NAV2: variants seen among roughly 807,000 people sequenced by gnomAD.
NAV2 encodes the protein neuron navigator 2, also known as helicase, APC down-regulated 1.
Under a neutral mutation model 223.2 loss-of-function variants are expected in NAV2, and 54 were observed. The ratio of observed to expected loss-of-function variants is 0.24; its 90% CI spans 0.19 to 0.30. The LOEUF is 0.30. Among genes scored for constraint, NAV2 ranks in the 10% least tolerant of loss-of-function variants. The probability of loss-of-function intolerance (pLI) is 1.00; values close to 1 mark genes in which losing one functional copy is unlikely to be tolerated. For missense variants in NAV2, 2,806 were observed against 3,147.5 expected, an observed-to-expected ratio of 0.89 and a Z score of 2.60; for synonymous variants, 1,279 against 1,239.3, an observed-to-expected ratio of 1.03 and a Z score of -0.67.
At chr11:19,723,082 GC>G (rs1233119925) in intron 1 of NAV2, among the ~76,000 whole-genome samples, 3 of 152,168 alleles carry the variant, frequency 2.0e-5, no homozygotes, top group African/African-American at 7.2e-5. Flanking sequence ...GCAGATTCCT[GC>G]CCCCCACCCC....
At chr11:19,935,878 G>C (rs1177563761) in intron 7 of NAV2, among the ~76,000 whole-genome samples, 1 of 23,436 alleles carries the variant, frequency 4.3e-5, no homozygotes, top group South Asian at 2.2e-3. Context: ...TTTTTTTTGA[G>C]ATGGAGTGTC....
chr11:19,824,501 T>C (rs2152865154), intron 1 of NAV2, among the ~76,000 whole-genome samples: 1 of 152,338 alleles, frequency 6.6e-6, no homozygotes, highest in South Asian at 2.1e-4. Context: ...CCTGTTGTGC[T>C]GTGCAGCCTT....
chr11:19,551,893 C>T (rs1178541426), intron 1 of NAV2, among the ~76,000 whole-genome samples: 4 of 140,988 alleles, frequency 2.8e-5, no homozygotes, highest in African/African-American at 1.3e-4. Flanking sequence ...CCTCTCCTCT[C>T]CTCTTCTCTC....
At chr11:19,809,973 G>A (rs1003801370) in intron 1 of NAV2, among the ~76,000 whole-genome samples, 5 of 151,916 alleles carry the variant, frequency 3.3e-5, no homozygotes, top group Non-Finnish European at 7.4e-5. Context: ...GTGTTTGGCC[G>A]GTATCTTCAC....
intron 22 of NAV2, among the ~76,000 whole-genome samples, chr11:20,076,138 T>G (rs541348628): frequency 6.6e-6 from 1 of 152,206 alleles, no homozygotes; most frequent in Non-Finnish European, 1.5e-5. Context: ...TAGATATTGG[T>G]ACCATTTCAT....
intron 1 of NAV2, among the ~76,000 whole-genome samples, chr11:19,577,432 G>A (rs1214781565): frequency 1.3e-5 from 2 of 152,330 alleles, no homozygotes; most frequent in Admixed American, 6.5e-5. Context: ...GATCTGCCAC[G>A]AGGGCGCAGC....
intron 1 of NAV2, among the ~76,000 whole-genome samples, chr11:19,647,310 G>T (rs558443743): frequency 8.5e-5 from 13 of 152,258 alleles, no homozygotes; most frequent in African/African-American, 2.9e-4. Context: ...GAAGACTGTG[G>T]AGTAGTCCTC....
chr11:20,022,511 C>T, intron 11 of NAV2: 1 of 982,120 alleles, frequency 1.0e-6, no homozygotes, highest in Non-Finnish European at 1.2e-6. Context: ...ACTGTACAAA[C>T]AGGTATCATT....
chr11:19,643,484 G>A (rs1214911728), intron 1 of NAV2, among the ~76,000 whole-genome samples: 2 of 152,090 alleles, frequency 1.3e-5, no homozygotes, highest in Non-Finnish European at 2.9e-5. Context: ...TCCCCACAAA[G>A]GACATGAACT....
chr11:19,373,139 C>T (rs1171115857), intron 1 of NAV2, among the ~76,000 whole-genome samples: 2 of 152,196 alleles, frequency 1.3e-5, no homozygotes, highest in African/African-American at 4.8e-5. Flanking sequence ...TCTCTTCTGG[C>T]TCCTCCTCTG....
intron 5 of NAV2, among the ~76,000 whole-genome samples, chr11:19,890,849 C>T (rs944155442): frequency 6.6e-6 from 1 of 152,196 alleles, no homozygotes; most frequent in African/African-American, 2.4e-5. Context: ...ATTTTGTACT[C>T]CGTTCTGTGC....
chr11:20,088,714 C>G (rs2060619054), intron 26 of NAV2, among the ~76,000 whole-genome samples: 1 of 152,190 alleles, frequency 6.6e-6, no homozygotes, highest in South Asian at 2.1e-4. Flanking sequence ...GGTATTTTCT[C>G]TCTTGCTGAG....
At chr11:20,106,152 T>TGA (rs2062016507) in intron 35 of NAV2, among the ~76,000 whole-genome samples, 1 of 21,130 alleles carries the variant, frequency 4.7e-5, no homozygotes, top group Non-Finnish European at 4.3e-4. Flanking sequence ...TATGTGTGTG[T>TGA]GTGTATATAT....
chr11:20,024,200 T>C (rs2054818262), intron 11 of NAV2, among the ~76,000 whole-genome samples: 1 of 152,218 alleles, frequency 6.6e-6, no homozygotes. Flanking sequence ...ACAGCCTGCC[T>C]GGGCTTCTCG....
At chr11:20,080,570 A>ATT (rs34881312) in intron 25 of NAV2, among the ~76,000 whole-genome samples, 61 of 152,116 alleles carry the variant, frequency 4.0e-4, no homozygotes, top group African/African-American at 1.4e-3. Flanking sequence ...GATCCAAAAT[A>ATT]TTTTTTTGAG....
chr11:19,553,193 C>T (rs1204507770), intron 1 of NAV2, among the ~76,000 whole-genome samples: 2 of 152,174 alleles, frequency 1.3e-5, no homozygotes, highest in Admixed American at 1.3e-4. Context: ...CCATCTCCAG[C>T]CCAGATGGAC....
Position 20,118,351 on chromosome 11 carries a change from C to T in NAV2, c.*93C>T. 1 of 1,451,132 alleles carries T rather than the reference C, an allele frequency of 6.9e-7. No homozygotes were observed. The allele number at this position is 1,451,132 out of a possible 1,614,324, so 89.9% of individuals were successfully genotyped here. On this transcript the variant is annotated 3_prime_UTR_variant, in exon 38 of 38. Transcript: ENST00000349880. The stretch of plus-strand genomic sequence containing the variant: ...CTGAAGATGACTTCCTGAGCCAGCC[C>T]CCAGCCACAGCCTTAGAGCTGCGGG...
chr11:19,424,473 A>G (rs1564926173), intron 1 of NAV2, among the ~76,000 whole-genome samples: 2 of 152,244 alleles, frequency 1.3e-5, no homozygotes, highest in Non-Finnish European at 2.9e-5. Flanking sequence ...GTTCCTCCAC[A>G]TTCTAAGAAG....
intron 1 of NAV2, among the ~76,000 whole-genome samples, chr11:19,813,169 C>T (rs993655609): frequency 5.3e-5 from 8 of 152,128 alleles, no homozygotes; most frequent in African/African-American, 1.9e-4. Flanking sequence ...AGGGCAGGCA[C>T]TGTTGTTTTT....
Sources: gnomAD v4.1 joint callset for allele counts (sites outside exome capture counted in the v4.1 genomes callset) on GRCh38, gnomAD v4.1.1 for gene constraint, MANE v1.5 for transcripts, NCBI Gene and HGNC (gene_info 2026-07-23, HGNC 2026-07-21) for gene names.